Variants in PAPPA observed in about 807,000 individuals in gnomAD.
The protein encoded by PAPPA is pappalysin 1, also known as pappalysin-1.
PAPPA carries 60 observed loss-of-function variants against 164.0 expected under a neutral mutation model. The observed-to-expected ratio is 0.37, with a 90% CI of 0.30 to 0.45. The LOEUF (loss-of-function observed/expected upper bound fraction) is 0.45. PAPPA is among the 20% of genes least tolerant of loss of function. The pLI is 1.00. For missense variants in PAPPA, 1,782 were observed against 2,087.3 expected (o/e 0.85, Z 2.85); for synonymous variants, 875 against 814.1 (o/e 1.07, Z -1.27).
intron 7 of PAPPA, among the ~76,000 whole-genome samples, chr9:116,248,059 C>T (rs935774843): frequency 9.2e-5 from 14 of 152,116 alleles, no homozygotes; most frequent in Non-Finnish European, 7.4e-5. Flanking sequence ...TTTTTCACTA[C>T]GCTTGTTCTT....
rs1331142 is a variant in PAPPA, at chr9:116,179,559, A to G, written c.416-7595A>G. On this transcript the variant is annotated intron_variant, in intron 1 of 21. Coordinates refer to ENST00000328252, the MANE Select transcript of PAPPA (RefSeq NM_002581.5). ...TAAGCCTCCTCCTTCCACTGAGCCTAAGGCAAATCTTTTGACCCGGGGTGG... is the reference window on the plus strand; with the variant it reads ...TAAGCCTCCTCCTTCCACTGAGCCTGAGGCAAATCTTTTGACCCGGGGTGG... 5.9e-5 allele frequency among the ~76,000 whole-genome samples: 9 copies of G among 152,316 alleles called. No homozygotes were observed. The East Asian group carries it at 1.7e-3, about 29-fold the overall frequency.
chr9:116,205,713 T>C (rs945537278), intron 2 of PAPPA, among the ~76,000 whole-genome samples: 23 of 152,322 alleles, frequency 1.5e-4, no homozygotes, highest in South Asian at 4.1e-4. Flanking sequence ...GCACTGAGGC[T>C]TTCTACATGC....
intron 9 of PAPPA, among the ~76,000 whole-genome samples, chr9:116,289,503 T>C (rs1044455226): frequency 1.3e-5 from 2 of 151,566 alleles, no homozygotes; most frequent in Non-Finnish European, 2.9e-5. Flanking sequence ...GCAATTTTTA[T>C]TTGACATTGA....
intron 7 of PAPPA, among the ~76,000 whole-genome samples, chr9:116,256,945 T>G (rs1844935121): frequency 6.6e-6 from 1 of 150,514 alleles, no homozygotes; most frequent in African/African-American, 2.4e-5. Flanking sequence ...TTTTTTACCA[T>G]GTACTAGGCC....
Position 116,347,918 on chromosome 9 carries a change from C to G in PAPPA, c.3964+709C>G, listed in dbSNP as rs1846232841. 6.6e-6 allele frequency among the ~76,000 whole-genome samples: 1 copy of G among 152,208 alleles called. No individual in the cohort carries two copies. The highest frequency in any genetic ancestry group is 1.5e-5 in the Non-Finnish European group (1 of 68,034). ...GACTAGATGTGGAATGTGTTAATAACTCCAGACTAGGAAATCATACTTCTC... is the reference window on the plus strand; with the variant it reads ...GACTAGATGTGGAATGTGTTAATAAGTCCAGACTAGGAAATCATACTTCTC... On this transcript the variant is annotated intron_variant, in intron 15 of 21. Transcript: ENST00000328252. The surrounding 1 kb of genome is among the most constrained non-coding windows in gnomAD (Gnocchi z 4.5).
chr9:116,162,914 A>C (rs1843684179), intron 1 of PAPPA, among the ~76,000 whole-genome samples: 1 of 152,196 alleles, frequency 6.6e-6, no homozygotes, highest in South Asian at 2.1e-4. Flanking sequence ...AAACAACTAA[A>C]ATGAAAGGCT....
At chr9:116,264,845 G>A (rs1009126457) in intron 7 of PAPPA, among the ~76,000 whole-genome samples, 1 of 152,188 alleles carries the variant, frequency 6.6e-6, no homozygotes, top group Admixed American at 6.5e-5. Flanking sequence ...CATAGGGAGG[G>A]GGATGTGGTC....
At chr9:116,323,419 T>C (rs74468695) in intron 10 of PAPPA, among the ~76,000 whole-genome samples, 2,402 of 152,278 alleles carry the variant, frequency 0.016, 33 homozygotes, top group Non-Finnish European at 0.026. Context: ...TGTTTCTCCA[T>C]CCATCAAATG....
At chr9:116,174,264 G>C (rs1001839587) in intron 1 of PAPPA, among the ~76,000 whole-genome samples, 1 of 151,228 alleles carries the variant, frequency 6.6e-6, no homozygotes, top group African/African-American at 2.4e-5. Flanking sequence ...GTGGAGATCT[G>C]CCTGTCTGGC....
At chr9:116,333,062 C>A (rs760284535) in intron 12 of PAPPA, among the ~76,000 whole-genome samples, 9 of 152,076 alleles carry the variant, frequency 5.9e-5, no homozygotes, top group Non-Finnish European at 1.2e-4. Flanking sequence ...GAGTGCAGGG[C>A]CAAGGGGGAG....
intron 9 of PAPPA, among the ~76,000 whole-genome samples, chr9:116,291,736 G>A (rs529062398): frequency 6.6e-6 from 1 of 152,074 alleles, no homozygotes; most frequent in South Asian, 2.1e-4. Flanking sequence ...GACCCTAATG[G>A]AAAAGATGCA....
At chr9:116,289,314 G>GC (rs1228470158) in intron 9 of PAPPA, among the ~76,000 whole-genome samples, 27 of 102,294 alleles carry the variant, frequency 2.6e-4, no homozygotes, top group Non-Finnish European at 5.4e-4. Flanking sequence ...CATATATATG[G>GC]CATATATATG....
At chr9:116,297,369 T>G (rs546114650) in intron 9 of PAPPA, among the ~76,000 whole-genome samples, 2 of 152,344 alleles carry the variant, frequency 1.3e-5, no homozygotes, top group South Asian at 4.1e-4. Flanking sequence ...GTTTTGAAAC[T>G]GATGAGAGTC....
At chr9:116,274,001 T>TACATACATTTAA in intron 9 of PAPPA, among the ~76,000 whole-genome samples, 1 of 151,976 alleles carries the variant, frequency 6.6e-6, no homozygotes, top group Non-Finnish European at 1.5e-5. Flanking sequence ...GGGGTGATGA[T>TACATACATTTAA]CTAAGGATAC....
chr9:116,352,983 C>A (rs1846304079), intron 16 of PAPPA, 67 bp downstream of exon 16: 3 of 1,181,350 alleles, frequency 2.5e-6, no homozygotes, highest in Admixed American at 1.9e-5. Context: ...AAATGCCTGA[C>A]TGGACGGAAG....
intron 17 of PAPPA, among the ~76,000 whole-genome samples, chr9:116,359,799 A>G (rs1846400042): frequency 6.6e-6 from 1 of 152,258 alleles, no homozygotes; most frequent in African/African-American, 2.4e-5. Context: ...GGATACATAC[A>G]TAGCAAGAGA....
intron 7 of PAPPA, among the ~76,000 whole-genome samples, chr9:116,256,458 T>C (rs577325693): frequency 9.2e-5 from 14 of 151,892 alleles, no homozygotes; most frequent in South Asian, 8.4e-4. Context: ...TTAAAGCCAA[T>C]TGGATGAAGA....
intron 10 of PAPPA, among the ~76,000 whole-genome samples, chr9:116,327,859 T>C (rs1845940582): frequency 6.6e-6 from 1 of 152,248 alleles, no homozygotes. Context: ...ATAGATTATT[T>C]TGCAGATCAA....
chr9:116,349,073 A>T (rs1370757888), intron 15 of PAPPA, among the ~76,000 whole-genome samples: 1 of 151,888 alleles, frequency 6.6e-6, no homozygotes, highest in Non-Finnish European at 1.5e-5. Flanking sequence ...TGTCCTTCTT[A>T]ATCTGTCTTC....
Sources: allele counts gnomAD v4.1 joint callset (sites outside exome capture counted in the v4.1 genomes callset), GRCh38; gene constraint gnomAD v4.1.1; non-coding constraint Gnocchi (gnomAD v3.1); transcripts MANE v1.5; gene names NCBI Gene and HGNC (gene_info 2026-07-23, HGNC 2026-07-21).